SCOC: variants seen among roughly 807,000 people sequenced by gnomAD.
SCOC encodes short coiled-coil protein.
A neutral mutation model predicts 9.9 loss-of-function variants in SCOC; 7 were observed. That is an observed-to-expected ratio of 0.71 (90% confidence interval 0.40 to 1.33). The LOEUF is 1.33. Ranked by LOEUF, SCOC falls within the 40% of genes most tolerant of loss-of-function variation. The pLI, the probability that SCOC is intolerant of heterozygous loss-of-function variation, is 0.01. For missense variants in SCOC, 66 were observed against 89.7 expected (o/e 0.74, Z 1.07); for synonymous variants, 19 against 28.2 (o/e 0.67, Z 1.03).
chr4:140,318,421 A>G (rs1458071450), intron 1 of SCOC, among the ~76,000 whole-genome samples: 1 of 107,084 alleles, frequency 9.3e-6, no homozygotes, highest in African/African-American at 4.7e-5. Flanking sequence ...TGGGCGAGGG[A>G]CATGAACAGA....
At chr4:140,366,888 A>C (rs1278321855) in intron 2 of SCOC, 4 of 696,896 alleles carry the variant, frequency 5.7e-6, no homozygotes, top group Non-Finnish European at 1.0e-5. Flanking sequence ...AGAAGGAAGA[A>C]GGCCAGGTGC....
At chr4:140,284,515 A>G (rs1345671175) in intron 1 of SCOC, 1 of 152,226 alleles carries the variant, frequency 6.6e-6, no homozygotes, top group African/African-American at 2.4e-5. Context: ...GAAGGAAAAA[A>G]ATATCCAAGT....
At chr4:140,286,874 A>G (rs7684736) in intron 1 of SCOC, among the ~76,000 whole-genome samples, 45,605 of 152,084 alleles carry the variant, frequency 0.3, 11,565 homozygotes, top group African/African-American at 0.69. Context: ...CTTTGGGAGG[A>G]AAGTGAGAGA....
At chr4:140,306,742 A>AAGCC (rs1257737748) in intron 1 of SCOC, among the ~76,000 whole-genome samples, 1 of 150,366 alleles carries the variant, frequency 6.7e-6, no homozygotes, top group African/African-American at 2.5e-5. Flanking sequence ...ACTTAAGTGG[A>AAGCC]AGCCAGCTGG....
rs753471586 is a variant in SCOC, at chr4:140,373,681, GC to G, written c.-85del. 1 of 1,550,690 alleles carries G rather than the reference GC, an allele frequency of 6.4e-7. No individual in the cohort carries two copies. The highest frequency in any genetic ancestry group is 1.2e-5 in the South Asian group (1 of 84,034). On this transcript the variant is annotated 5_prime_UTR_variant, in exon 1 of 4. Coordinates refer to ENST00000608372, the MANE Select transcript of SCOC (RefSeq NM_001153484.2). ...CCAAGTGTCCCGGCCTGAGGTGTCGGCCGGATCCCTCCTTCTCCCGGCGCCT... is the reference window on the plus strand; with the variant it reads ...CCAAGTGTCCCGGCCTGAGGTGTCGGCGGATCCCTCCTTCTCCCGGCGCCT...
intron 1 of SCOC, among the ~76,000 whole-genome samples, chr4:140,308,335 G>C (rs1427510302): frequency 1.3e-5 from 2 of 152,116 alleles, no homozygotes; most frequent in Admixed American, 1.3e-4. Flanking sequence ...CATTTTCTAG[G>C]ACCTTCAAAT....
At chr4:140,306,545 C>A (rs571610964) in intron 1 of SCOC, among the ~76,000 whole-genome samples, 25 of 152,238 alleles carry the variant, frequency 1.6e-4, no homozygotes, top group African/African-American at 6.0e-4. Flanking sequence ...TTAGCAATGG[C>A]AAGAACTAGA....
intron 1 of SCOC, among the ~76,000 whole-genome samples, chr4:140,300,430 T>C (rs1731780337): frequency 6.6e-6 from 1 of 152,102 alleles, no homozygotes; most frequent in Non-Finnish European, 1.5e-5. Flanking sequence ...CAGCTAGGCT[T>C]CTCCCCCAGG....
intron 1 of SCOC, among the ~76,000 whole-genome samples, chr4:140,305,734 A>G (rs981903063): frequency 3.0e-4 from 45 of 152,160 alleles, no homozygotes; most frequent in African/African-American, 1.1e-3. Context: ...AAAGTCTGCA[A>G]TTGGGAGCTC....
chr4:140,364,695 G>A (rs13139723), intron 2 of SCOC, among the ~76,000 whole-genome samples: 84,715 of 152,074 alleles, frequency 0.56, 25,363 homozygotes, highest in Non-Finnish European at 0.68. Flanking sequence ...CCCAGACAAT[G>A]AGAACCCTTT....
intron 2 of SCOC, among the ~76,000 whole-genome samples, chr4:140,351,450 C>A (rs1007606863): frequency 6.6e-6 from 1 of 152,160 alleles, no homozygotes; most frequent in Non-Finnish European, 1.5e-5. Context: ...CGCTCCTCTC[C>A]TTTATGCCTC....
rs1222807372 is a variant in SCOC at position 140,374,224 on chromosome 4, T to C, written c.-51+507T>C. 3 of 453,718 alleles carry C rather than the reference T, an allele frequency of 6.6e-6. No individual in the cohort carries two copies. The Admixed American group carries it at 7.1e-5, about 11-fold the overall frequency. 28.1% of individuals were successfully genotyped at this position (453,718 alleles called of 1,614,324 possible). On this transcript the variant is annotated intron_variant, in intron 1 of 3. Coordinates refer to ENST00000608372, the MANE Select transcript of SCOC (RefSeq NM_001153484.2). ...CCAGGCGGCGAAAGCGGCACCTGGG[T>C]TTGTTTCCTGATCGTCTTCTCCCCC...
At chr4:140,326,247 A>C (rs1228095817) in intron 1 of SCOC, among the ~76,000 whole-genome samples, 2 of 152,178 alleles carry the variant, frequency 1.3e-5, no homozygotes. Flanking sequence ...ACGGTTCTAT[A>C]CATTACTTGG....
At chr4:140,259,690 C>T (rs769420857) in intron 1 of SCOC, among the ~76,000 whole-genome samples, 1 of 152,216 alleles carries the variant, frequency 6.6e-6, no homozygotes, top group African/African-American at 2.4e-5. Flanking sequence ...GCCTGGGTGA[C>T]AGAGTGAGAC....
chr4:140,364,175 T>C (rs1217080676), intron 2 of SCOC, among the ~76,000 whole-genome samples: 1 of 152,034 alleles, frequency 6.6e-6, no homozygotes, highest in Non-Finnish European at 1.5e-5. Context: ...AATGCAGGAT[T>C]GCTATAAGAA....
intron 1 of SCOC, among the ~76,000 whole-genome samples, chr4:140,375,374 A>G (rs1728300206): frequency 6.6e-6 from 1 of 152,210 alleles, no homozygotes; most frequent in Non-Finnish European, 1.5e-5. Flanking sequence ...CCCATGAGAT[A>G]CGTACGGTTA....
In SCOC at chr4:140,382,997, CTA is replaced by C. The variant is rs1227830900; in HGVS notation, c.*1894_*1895del. 6.6e-6 allele frequency: 1 copy of C among 152,188 alleles called. No homozygotes were observed. The highest frequency in any genetic ancestry group is 2.4e-5 in the African/African-American group (1 of 41,424). The allele number at this position is 152,188 out of a possible 1,614,324, so 9.4% of individuals were successfully genotyped here. On this transcript the variant is annotated 3_prime_UTR_variant, in exon 4 of 4. Coordinates refer to ENST00000608372, the MANE Select transcript of SCOC (RefSeq NM_001153484.2). ...TTTAAATCATGGCTTTCAAGTCACT[CTA>C]GTTATTCTTCTAATTTGCAGAAAAA... is the stretch of plus-strand genomic sequence containing the variant.
intron 1 of SCOC, among the ~76,000 whole-genome samples, chr4:140,270,845 C>T (rs888124255): frequency 2.0e-5 from 3 of 152,134 alleles, no homozygotes; most frequent in African/African-American, 4.8e-5. Flanking sequence ...AATAAAAAGA[C>T]CTGCTTGATA....
intron 2 of SCOC, among the ~76,000 whole-genome samples, chr4:140,362,301 T>TCTTCTTCTTCTTCTTCTTCTCCTCTTC: frequency 3.4e-5 from 1 of 29,410 alleles, no homozygotes; most frequent in Admixed American, 4.0e-4. Flanking sequence ...TTCTTCTTCT[T>TCTTCTTCTTCTTCTTCTTCTCCTCTTC]TTTTTTTTTT....
Sources: allele counts gnomAD v4.1 joint callset (sites outside exome capture counted in the v4.1 genomes callset), GRCh38; gene constraint gnomAD v4.1.1; transcripts MANE v1.5; gene names NCBI Gene and HGNC (gene_info 2026-07-23, HGNC 2026-07-21).